Variants in RFX3 observed in about 807,000 individuals in gnomAD.
The protein encoded by RFX3 is transcription factor RFX3.
In RFX3, 14 loss-of-function variants were observed where a neutral mutation model predicts 98.6. The observed-to-expected ratio is 0.14, with a 90% CI of 0.09 to 0.22. RFX3 has a LOEUF of 0.22. RFX3 is among the 10% of genes least tolerant of loss of function. The pLI is 1.00. For missense variants in RFX3, 639 were observed against 926.9 expected (o/e 0.69, Z 4.03); for synonymous variants, 383 against 328.4 (o/e 1.17, Z -1.80).
chr9:3,340,492 G>T (rs1833752546), intron 3 of RFX3, among the ~76,000 whole-genome samples: 1 of 152,142 alleles, frequency 6.6e-6, no homozygotes, highest in African/African-American at 2.4e-5. Context: ...GAAAATCTTT[G>T]CAATCTACTC....
At chr9:3,347,391 ATTTT>A (rs916958591) in intron 2 of RFX3, among the ~76,000 whole-genome samples, 1 of 152,070 alleles carries the variant, frequency 6.6e-6, no homozygotes, top group African/African-American at 2.4e-5. Context: ...TAAAAAGCTG[ATTTT>A]TTTAAATTAA....
intron 1 of RFX3, among the ~76,000 whole-genome samples, chr9:3,509,047 A>C (rs1433316206): frequency 2.0e-5 from 3 of 151,870 alleles, no homozygotes; most frequent in African/African-American, 7.2e-5. Flanking sequence ...AATTCCTGCC[A>C]CAGTCCCATA....
In RFX3 at chr9:3,525,854, T is replaced by A; in HGVS notation, c.-116A>T. The A allele has an allele frequency of 1.0e-6, 1 of 984,682 alleles. No homozygotes were observed. Among genetic ancestry groups the A allele is most frequent in the Admixed American group, 6.2e-5 (1 of 16,232 alleles). 61.0% of individuals were successfully genotyped at this position (984,682 alleles called of 1,614,324 possible). On this transcript the variant is annotated 5_prime_UTR_variant, in exon 1 of 17. Transcript: ENST00000617270. ...GGAGGAGAGGAGTAGTTGTTGTTGA[T>A]GGGTAACAGTCGCCAGGACTACGGT...
intron 1 of RFX3, among the ~76,000 whole-genome samples, chr9:3,412,753 T>A (rs1341886930): frequency 1.3e-5 from 2 of 152,130 alleles, no homozygotes; most frequent in Non-Finnish European, 2.9e-5. Context: ...GGGAAACTTA[T>A]AACTAGCTTT....
chr9:3,366,714 C>CT (rs1055058814), intron 2 of RFX3, among the ~76,000 whole-genome samples: 1 of 94,564 alleles, frequency 1.1e-5, no homozygotes, highest in Non-Finnish European at 2.2e-5. Context: ...TTCTTTCTTT[C>CT]TTTCTTTCTT....
intron 4 of RFX3, among the ~76,000 whole-genome samples, chr9:3,311,643 G>C (rs1198416057): frequency 6.7e-6 from 1 of 149,752 alleles, no homozygotes; most frequent in East Asian, 1.9e-4. Context: ...CCAGCACTTT[G>C]GGAGGCCAAG....
chr9:3,352,836 C>G (rs1347785495), intron 2 of RFX3, among the ~76,000 whole-genome samples: 2 of 151,924 alleles, frequency 1.3e-5, no homozygotes, highest in Admixed American at 6.6e-5. Context: ...GAAACTAGGA[C>G]AGAATGATGG....
chr9:3,346,630 G>C, intron 3 of RFX3, 37 bp downstream of exon 3: 1 of 1,274,290 alleles, frequency 7.8e-7, no homozygotes, highest in Middle Eastern at 1.8e-4. Flanking sequence ...TTTTCTCTGA[G>C]TGGGGGAATT....
At chr9:3,513,233 T>A (rs985105123) in intron 1 of RFX3, among the ~76,000 whole-genome samples, 1 of 152,194 alleles carries the variant, frequency 6.6e-6, no homozygotes, top group Non-Finnish European at 1.5e-5. Flanking sequence ...CTAGAATGTT[T>A]TTGAATCAAA....
At chr9:3,301,355 A>G (rs1171472527) in intron 5 of RFX3, among the ~76,000 whole-genome samples, 191 bp downstream of exon 5, 1 of 151,914 alleles carries the variant, frequency 6.6e-6, no homozygotes, top group African/African-American at 2.4e-5. Context: ...AATAAATTAT[A>G]CTGGAGACTC....
At chr9:3,270,638 C>A in intron 10 of RFX3, 113 bp from the exon 11 acceptor site, 1 of 1,034,762 alleles carries the variant, frequency 9.7e-7, no homozygotes, top group Non-Finnish European at 1.4e-6. Flanking sequence ...AACTATACCA[C>A]CATTGCACTG....
intron 4 of RFX3, among the ~76,000 whole-genome samples, chr9:3,308,234 C>G (rs913663730): frequency 6.6e-6 from 1 of 152,080 alleles, no homozygotes; most frequent in Non-Finnish European, 1.5e-5. Context: ...TCATGAAGGT[C>G]CTGGACTACT....
intron 4 of RFX3, among the ~76,000 whole-genome samples, chr9:3,311,726 A>C (rs1185518154): frequency 6.8e-6 from 1 of 146,806 alleles, no homozygotes; most frequent in African/African-American, 2.7e-5. Context: ...CTCTACTAAA[A>C]ATATAAAAAA....
In RFX3 at chr9:3,224,998, T is replaced by C. The variant is rs762359414; in HGVS notation, c.*44A>G. 1 of 1,578,898 alleles carries C rather than the reference T, an allele frequency of 6.3e-7. No individual in the cohort carries two copies. The highest frequency in any genetic ancestry group is 2.2e-5 in the East Asian group (1 of 44,526). Reference sequence around the variant, plus strand: ...TTAAATTTTCAACTTAAGCCCAATATCAACAGGGTTAATGTAAGCTGGAAA... The same window carrying C: ...TTAAATTTTCAACTTAAGCCCAATACCAACAGGGTTAATGTAAGCTGGAAA... On this transcript the variant is annotated 3_prime_UTR_variant, in exon 17 of 17. Coordinates refer to ENST00000617270, the MANE Select transcript of RFX3 (RefSeq NM_001282116.2).
chr9:3,511,487 G>A (rs1345698977), intron 1 of RFX3, among the ~76,000 whole-genome samples: 1 of 151,914 alleles, frequency 6.6e-6, no homozygotes, highest in Non-Finnish European at 1.5e-5. Context: ...ATATTAAACT[G>A]CTTTGAGTGA....
chr9:3,445,389 T>C (rs1198666111), intron 1 of RFX3, among the ~76,000 whole-genome samples: 3 of 151,736 alleles, frequency 2.0e-5, no homozygotes, highest in African/African-American at 4.8e-5. Context: ...CTTGAACACA[T>C]CAACTTATCA....
chr9:3,490,569 G>A (rs1850651554), intron 1 of RFX3, among the ~76,000 whole-genome samples: 1 of 151,972 alleles, frequency 6.6e-6, no homozygotes, highest in Admixed American at 6.6e-5. Context: ...TTACATGAGA[G>A]AATTTTTAGT....
chr9:3,429,996 G>A (rs979328985), intron 1 of RFX3, among the ~76,000 whole-genome samples: 1 of 152,088 alleles, frequency 6.6e-6, no homozygotes, highest in African/African-American at 2.4e-5. Context: ...TAGGTTACCA[G>A]GTTCACTGAG....
intron 4 of RFX3, among the ~76,000 whole-genome samples, chr9:3,327,274 G>A (rs1305226853): frequency 6.6e-6 from 1 of 152,056 alleles, no homozygotes; most frequent in Non-Finnish European, 1.5e-5. Flanking sequence ...TTTGGCAAGA[G>A]GCACATGATA....
Sources: allele counts gnomAD v4.1 joint callset (sites outside exome capture counted in the v4.1 genomes callset), GRCh38; gene constraint gnomAD v4.1.1; transcripts MANE v1.5; gene names NCBI Gene and HGNC (gene_info 2026-07-23, HGNC 2026-07-21).